The following HELLS variants were observed in gnomAD, a reference collection of about 807,000 sequenced individuals.
The protein encoded by HELLS is helicase, lymphoid specific, also known as lymphoid-specific helicase.
HELLS carries 32 observed loss-of-function variants against 120.0 expected under a neutral mutation model. The ratio of observed to expected loss-of-function variants is 0.27; its 90% confidence interval spans 0.20 to 0.36. The LOEUF is 0.36. Among genes scored for constraint, HELLS ranks in the 10% least tolerant of loss-of-function variants. The pLI, the probability that HELLS is intolerant of heterozygous loss-of-function variation, is 1.00. For synonymous variants in HELLS, 341 were observed against 323.4 expected, an observed-to-expected ratio of 1.05 and a Z score of -0.58; for missense variants, 650 against 993.4, an observed-to-expected ratio of 0.65 and a Z score of 4.65.
intron 6 of HELLS, among the ~76,000 whole-genome samples, chr10:94,566,457 A>G (rs972538228): frequency 1.2e-4 from 18 of 152,200 alleles, no homozygotes; most frequent in Admixed American, 9.8e-4. Flanking sequence ...TTTGCCTCCA[A>G]TTTGTATATA....
At position 94,558,217 on chromosome 10, in the gene HELLS, T is replaced by C. The variant is rs375515515; in HGVS notation, c.333+22T>C. 3.2e-5 allele frequency: 49 copies of C among 1,540,658 alleles called. No individual in the cohort carries two copies. In the African/African-American group the frequency reaches 5.9e-4, roughly 19 times the overall value. On this transcript the variant is annotated intron_variant, in intron 4 of 21. Coordinates refer to ENST00000348459, the MANE Select transcript of HELLS (RefSeq NM_018063.5). ...AAAGGTAATATAGCCAGCCGGAATA[T>C]TTTTTATGTCATTTAAATATTGAAG...
chr10:94,605,078 C>A (rs953105019), downstream of HELLS, among the ~76,000 whole-genome samples: 3 of 127,478 alleles, frequency 2.4e-5, no homozygotes, highest in Non-Finnish European at 3.4e-5. Flanking sequence ...TGTCTCCCCC[C>A]CCCCCCCTTT....
intron 9 of HELLS, among the ~76,000 whole-genome samples, chr10:94,576,157 A>G (rs79048399): frequency 0.056 from 8,571 of 151,818 alleles, 355 homozygotes; most frequent in African/African-American, 0.11. Context: ...TCTGTTGCTC[A>G]GGCTGGAGTG....
chr10:94,580,187 T>A (rs61022340), intron 10 of HELLS, among the ~76,000 whole-genome samples: 855 of 47,328 alleles, frequency 0.018, 20 homozygotes, highest in East Asian at 0.11. Flanking sequence ...ACACACACAT[T>A]TTTTTTTTTT....
At chr10:94,601,441 T>C (rs1039156162) in intron 21 of HELLS, 87 bp from the exon 22 acceptor site, 2 of 747,550 alleles carry the variant, frequency 2.7e-6, no homozygotes, top group African/African-American at 3.6e-5. Context: ...GATGACTCAC[T>C]TCTCATAACA....
chr10:94,571,508 A>C (rs1282238184), intron 7 of HELLS, 79 bp downstream of exon 7: 2 of 1,197,368 alleles, frequency 1.7e-6, no homozygotes, highest in Non-Finnish European at 2.4e-6. Context: ...TTTAATCAGC[A>C]GTATACGTTC....
chr10:94,566,143 G>C (rs1843785965), intron 6 of HELLS, among the ~76,000 whole-genome samples: 1 of 152,144 alleles, frequency 6.6e-6, no homozygotes, highest in South Asian at 2.1e-4. Flanking sequence ...CGGCCTCCCA[G>C]AGTACTGGGA....
exon 10 of HELLS, chr10:94,610,244 G>A (rs1014840540): frequency 6.6e-5 from 10 of 151,992 alleles, no homozygotes; most frequent in African/African-American, 1.2e-4. Flanking sequence ...CAGTAATAAA[G>A]CTAGAAAAAC....
chr10:94,549,373 T>C lies in HELLS; in HGVS notation c.153+2875T>C, dbSNP rs185644247. On this transcript the variant is annotated intron_variant, in intron 2 of 21. Transcript: ENST00000348459. ...CATTTGGCTTTAGGAAATCCTAAGG[T>C]TTGTGAGGAACCTAGAAAATGACTT... Among the ~76,000 whole-genome samples the C allele has an allele frequency of 3.0e-3, 457 of 152,310 alleles. 1 individual carries two copies. Among genetic ancestry groups the C allele is most frequent in the African/African-American group, 0.011 (440 of 41,560 alleles).
intron 19 of HELLS, among the ~76,000 whole-genome samples, chr10:94,595,777 A>G (rs1337440912): frequency 6.6e-6 from 1 of 152,218 alleles, no homozygotes; most frequent in Non-Finnish European, 1.5e-5. Context: ...AATGTTGAAA[A>G]TCATTTATGT....
Position 94,596,846 on chromosome 10 carries a change from C to A in HELLS, c.2249-14C>A. 1.6e-6 allele frequency: 2 copies of A among 1,286,912 alleles called. No individual in the cohort carries two copies. Among genetic ancestry groups the A allele is most frequent in the Middle Eastern group, 1.9e-4 (1 of 5,164 alleles). The allele number at this position is 1,286,912 out of a possible 1,614,324, so 79.7% of individuals were successfully genotyped here. A position where few individuals can be genotyped will look rare whatever the true frequency, so the allele number is the denominator to read the frequency against. On this transcript the variant is annotated splice_polypyrimidine_tract_variant and intron_variant, in intron 19 of 21. Transcript: ENST00000348459. ...AAAGGAATTTTAATGTTTTTAATTT[C>A]TCATTTTTTTTAGATCATTTCAAAG...
intron 3 of HELLS, among the ~76,000 whole-genome samples, chr10:94,556,009 A>G (rs1843242395): frequency 1.3e-5 from 2 of 152,290 alleles, no homozygotes; most frequent in Middle Eastern, 3.4e-3. Flanking sequence ...GTCAAACCCA[A>G]AGAGGGGCTT....
At chr10:94,555,904 G>T (rs186316780) in intron 3 of HELLS, among the ~76,000 whole-genome samples, 47 of 152,316 alleles carry the variant, frequency 3.1e-4, no homozygotes, top group Middle Eastern at 6.8e-3. Flanking sequence ...TGGGATTACA[G>T]GGGTGAGCCA....
At chr10:94,590,877 G>A in intron 15 of HELLS, 101 bp downstream of exon 15, 1 of 624,900 alleles carries the variant, frequency 1.6e-6, no homozygotes, top group South Asian at 3.3e-5. Flanking sequence ...AAATAAGTAT[G>A]GTGCTATTTG....
At chr10:94,576,299 C>T (rs1844477578) in intron 9 of HELLS, among the ~76,000 whole-genome samples, 4 of 152,012 alleles carry the variant, frequency 2.6e-5, no homozygotes, top group African/African-American at 4.8e-5. Context: ...ACTACGGGTG[C>T]GTACCACCAC....
intron 9 of HELLS, among the ~76,000 whole-genome samples, chr10:94,609,152 T>A (rs1243162234): frequency 2.0e-5 from 3 of 151,158 alleles, no homozygotes; most frequent in Non-Finnish European, 4.4e-5. Flanking sequence ...ATCTTCCGAG[T>A]AGGTGGCATT....
chr10:94,547,775 G>C (rs1244245100), intron 2 of HELLS, among the ~76,000 whole-genome samples: 1 of 152,188 alleles, frequency 6.6e-6, no homozygotes, highest in Non-Finnish European at 1.5e-5. Context: ...GCCACAGTTG[G>C]TAAATGGCAG....
chr10:94,574,846 A>T, intron 9 of HELLS, 110 bp downstream of exon 9: 1 of 849,308 alleles, frequency 1.2e-6, no homozygotes, highest in South Asian at 2.1e-5. Context: ...TTTCTGTATA[A>T]ATATTTTGTC....
rs111499519 is a variant in HELLS, at chr10:94,585,930, A to G, written c.1327-2299A>G. On this transcript the variant is annotated intron_variant, in intron 12 of 21. Coordinates refer to ENST00000348459, the MANE Select transcript of HELLS (RefSeq NM_018063.5). ...GTTTTTGTCTGCTTTGAAAGCTTGTATACTAGGAAAAACATATATAAATAC... is the reference window on the plus strand; with the variant it reads ...GTTTTTGTCTGCTTTGAAAGCTTGTGTACTAGGAAAAACATATATAAATAC... Among the ~76,000 whole-genome samples the G allele has an allele frequency of 3.0e-3, 457 of 152,176 alleles. 1 individual carries two copies. Among genetic ancestry groups the G allele is most frequent in the African/African-American group, 0.011 (439 of 41,502 alleles).
Sources: allele counts gnomAD v4.1 joint callset (sites outside exome capture counted in the v4.1 genomes callset), GRCh38; gene constraint gnomAD v4.1.1; transcripts MANE v1.5; gene names NCBI Gene and HGNC (gene_info 2026-07-23, HGNC 2026-07-21).